The following RMST variants were observed in gnomAD, a reference collection of about 807,000 sequenced individuals.
The protein encoded by RMST is rhabdomyosarcoma 2 associated transcript, also known as long intergenic non-protein coding RNA 54.
chr12:97,561,341 C>T (rs1565940963), intron 13 of RMST, among the ~76,000 whole-genome samples: 1 of 152,124 alleles, frequency 6.6e-6, no homozygotes, highest in African/African-American at 2.4e-5. Flanking sequence ...TAGTTTATGT[C>T]TCTGTGTCTG....
At chr12:97,537,186 G>T (rs558261949) in intron 11 of RMST, among the ~76,000 whole-genome samples, 77 of 151,532 alleles carry the variant, frequency 5.1e-4, no homozygotes, top group African/African-American at 1.8e-3. Context: ...TTCCCTAAGA[G>T]ATGCTAGACA....
chr12:97,493,648 C>T (rs1877100501), intron 7 of RMST, among the ~76,000 whole-genome samples: 1 of 152,058 alleles, frequency 6.6e-6, no homozygotes, highest in African/African-American at 2.4e-5. Context: ...AATGCAGCAA[C>T]CCGTCAGTTT....
intron 10 of RMST, among the ~76,000 whole-genome samples, chr12:97,496,400 T>TAA (rs201723744): frequency 4.7e-5 from 7 of 148,568 alleles, no homozygotes; most frequent in African/African-American, 1.8e-4. Flanking sequence ...ATATCTGGGG[T>TAA]AAAAAAAATC....
At chr12:97,499,544 A>T (rs1211242890) in intron 10 of RMST, among the ~76,000 whole-genome samples, 1 of 152,226 alleles carries the variant, frequency 6.6e-6, no homozygotes. Flanking sequence ...CTCTGCCCAT[A>T]GTATTGTAAA....
intron 5 of RMST, among the ~76,000 whole-genome samples, chr12:97,477,526 A>G (rs1232177961): frequency 2.0e-5 from 3 of 152,216 alleles, no homozygotes; most frequent in Non-Finnish European, 2.9e-5. Context: ...AAATAACAAC[A>G]ACATCAGCAC....
chr12:97,550,346 C>G (rs1455154004), intron 11 of RMST, among the ~76,000 whole-genome samples: 1 of 152,110 alleles, frequency 6.6e-6, no homozygotes, highest in Middle Eastern at 3.2e-3. Context: ...GAGCCAAGAT[C>G]ATGCCATCGC....
At chr12:97,530,753 T>C (rs944396093) in exon 11 of RMST, 2 of 152,092 alleles carry the variant, frequency 1.3e-5, no homozygotes, top group African/African-American at 4.8e-5. Context: ...AGTGATATGA[T>C]GGCCTTGTCA....
At chr12:97,553,898 G>A (rs1883489404) in intron 11 of RMST, among the ~76,000 whole-genome samples, 1 of 149,830 alleles carries the variant, frequency 6.7e-6, no homozygotes, top group African/African-American at 2.5e-5. Context: ...TATTTGCATA[G>A]TATACACACA....
chr12:97,492,436 T>C (rs1469345292), intron 5 of RMST: 1 of 159,180 alleles, frequency 6.3e-6, no homozygotes, highest in Non-Finnish European at 1.4e-5. Flanking sequence ...TGTTTTTTTT[T>C]TAACGCTACA....
At chr12:97,564,398 A>C in exon 14 of RMST, 1 of 156,636 alleles carries the variant, frequency 6.4e-6, no homozygotes, top group Admixed American at 6.2e-5. Context: ...TTTTCCATGT[A>C]AGGGTGTGGT....
intron 5 of RMST, among the ~76,000 whole-genome samples, chr12:97,469,074 T>C (rs1326738869): frequency 2.0e-5 from 3 of 151,940 alleles, no homozygotes; most frequent in Non-Finnish European, 2.9e-5. Context: ...GCTTAAGATA[T>C]ATATATTCTA....
chr12:97,554,270 A>G (rs1394356604), intron 11 of RMST, among the ~76,000 whole-genome samples: 3 of 151,972 alleles, frequency 2.0e-5, no homozygotes, highest in Non-Finnish European at 4.4e-5. Context: ...GACTATTTCT[A>G]TTATCATTAT....
At position 97,485,516 on chromosome 12, in the gene RMST, A is replaced by C. The variant is rs1037819022; in HGVS notation, n.645-6945A>C. 2.6e-5 allele frequency among the ~76,000 whole-genome samples: 4 copies of C among 152,196 alleles called. No individual in the cohort carries two copies. In the East Asian group the frequency reaches 7.7e-4, roughly 29 times the overall value. On this transcript the variant is annotated intron_variant and non_coding_transcript_variant, in intron 5 of 13. Coordinates refer to ENST00000640149, the Ensembl canonical transcript of RMST. ...CAGATTTCCTCTAGATTTCTGTTTG[A>C]TATCCATGATCTTGACTGACTTGCT...
intron 10 of RMST, among the ~76,000 whole-genome samples, chr12:97,520,033 C>G (rs1313169074): frequency 6.6e-6 from 1 of 152,210 alleles, no homozygotes; most frequent in Non-Finnish European, 1.5e-5. Context: ...ATCTACTTCT[C>G]TTATTTTGAA....
chr12:97,549,067 G>C (rs1450989), intron 11 of RMST, among the ~76,000 whole-genome samples: 40,369 of 152,036 alleles, frequency 0.27, 6,905 homozygotes, highest in African/African-American at 0.48. Flanking sequence ...TCTGGCCTTA[G>C]TATTTCCTAC....
chr12:97,486,590 A>G (rs1876143726), intron 5 of RMST, among the ~76,000 whole-genome samples: 1 of 152,196 alleles, frequency 6.6e-6, no homozygotes, highest in Admixed American at 6.5e-5. Context: ...GCAATACTAC[A>G]TTCATTCATT....
At chr12:97,468,265 A>G (rs1873431196) in intron 5 of RMST, among the ~76,000 whole-genome samples, 1 of 152,036 alleles carries the variant, frequency 6.6e-6, no homozygotes, top group Admixed American at 6.6e-5. Context: ...TAATTACACA[A>G]TCTAGGACTC....
chr12:97,527,447 G>A (rs1286979033), intron 10 of RMST, among the ~76,000 whole-genome samples: 1 of 152,186 alleles, frequency 6.6e-6, no homozygotes. Flanking sequence ...ACAGCCTTAG[G>A]TGACTGCTCC....
intron 10 of RMST, among the ~76,000 whole-genome samples, chr12:97,511,146 CCTTCTT>C (rs1478413240): frequency 2.1e-5 from 3 of 145,954 alleles, no homozygotes; most frequent in African/African-American, 8.2e-5. Flanking sequence ...AATTGTACTT[CCTTCTT>C]TTTTTTTTTT....
Sources: allele counts gnomAD v4.1 joint callset (sites outside exome capture counted in the v4.1 genomes callset), GRCh38; gene constraint gnomAD v4.1.1; transcripts MANE v1.5; gene names NCBI Gene and HGNC (gene_info 2026-07-23, HGNC 2026-07-21).